PRIM2: variants seen among roughly 807,000 people sequenced by gnomAD.
The protein encoded by PRIM2 is DNA primase large subunit.
In PRIM2, 39 loss-of-function variants were observed where a neutral mutation model predicts 67.3. The observed-to-expected ratio is 0.58, with a 90% confidence interval of 0.45 to 0.76. The LOEUF (loss-of-function observed/expected upper bound fraction) is 0.76, where lower values mean the gene tolerates loss of function less well. Ranked by LOEUF, PRIM2 falls within the 30% of genes least tolerant of loss-of-function variation. The probability of loss-of-function intolerance (pLI) is 0.00; values close to 1 mark genes in which losing one functional copy is unlikely to be tolerated. For missense variants in PRIM2, 398 were observed against 598.7 expected (o/e 0.66, Z 3.50); for synonymous variants, 143 against 198.7 (o/e 0.72, Z 2.36).
intron 8 of PRIM2, among the ~76,000 whole-genome samples, chr6:57,521,367 GTTTTTTTTTTTTT>G (rs1163114437): frequency 2.0e-5 from 2 of 97,956 alleles, no homozygotes; most frequent in African/African-American, 7.6e-5. Context: ...TGTGGTTAGG[GTTTTTTTTTTTTT>G]TTTTTTTTTT....
chr6:57,351,514 G>C (rs1452654414), intron 5 of PRIM2, among the ~76,000 whole-genome samples: 3 of 152,126 alleles, frequency 2.0e-5, no homozygotes, highest in Non-Finnish European at 4.4e-5. Context: ...GGAAAGAAGT[G>C]GGCAGATGTG....
chr6:57,342,255 C>T lies in PRIM2; in HGVS notation c.459+16210C>T, dbSNP rs572554020. ...AAAAAGGAAACTGATATTTTTCATT[C>T]TTTGACCTATATGTAAATAAATTGG... On this transcript the variant is annotated intron_variant, in intron 5 of 13. Coordinates refer to ENST00000615550, the MANE Select transcript of PRIM2 (RefSeq NM_000947.5). Among the ~76,000 whole-genome samples, 62 of 152,298 alleles carry T rather than the reference C, an allele frequency of 4.1e-4. 1 individual carries two copies. The South Asian group carries it at 0.012, about 28-fold the overall frequency.
chr6:57,349,797 A>C (rs1307342053), intron 5 of PRIM2, among the ~76,000 whole-genome samples: 1 of 152,194 alleles, frequency 6.6e-6, no homozygotes, highest in Non-Finnish European at 1.5e-5. Context: ...TTTTTAAAAA[A>C]AGATATTGTT....
chr6:57,638,013 A>G (rs1777155218), intron 13 of PRIM2, among the ~76,000 whole-genome samples: 1 of 152,214 alleles, frequency 6.6e-6, no homozygotes, highest in African/African-American at 2.4e-5. Flanking sequence ...AGGTCAGGTT[A>G]CCCACAAAGG....
At chr6:57,246,916 G>A in the PRIM2 span, among the ~76,000 whole-genome samples, 10 of 150,888 alleles carry the variant, frequency 6.6e-5, no homozygotes, top group African/African-American at 1.2e-4. Context: ...GTGCGGTGGC[G>A]CGATCTCAGC....
intron 7 of PRIM2, among the ~76,000 whole-genome samples, chr6:57,433,371 T>C (rs1275945895): frequency 6.6e-6 from 1 of 151,344 alleles, no homozygotes; most frequent in Non-Finnish European, 1.5e-5. Context: ...GTATATCTCC[T>C]AATGCTATCC....
chr6:57,466,624 G>C (rs1417798835), intron 7 of PRIM2, among the ~76,000 whole-genome samples: 1 of 152,312 alleles, frequency 6.6e-6, no homozygotes, highest in East Asian at 1.9e-4. Flanking sequence ...GCCTTCTTTT[G>C]AGAAGTGTCT....
At chr6:57,592,069 C>A (rs2127488742) in intron 10 of PRIM2, among the ~76,000 whole-genome samples, 1 of 152,164 alleles carries the variant, frequency 6.6e-6, no homozygotes, top group South Asian at 2.1e-4. Context: ...AACACAGGAA[C>A]AGAAAATCAA....
At chr6:57,254,355 C>T in the PRIM2 span, among the ~76,000 whole-genome samples, 1 of 152,200 alleles carries the variant, frequency 6.6e-6, no homozygotes, top group African/African-American at 2.4e-5. Flanking sequence ...CTTTGCTACT[C>T]CAACTTCTCT....
chr6:57,466,691 A>C (rs201705382), intron 7 of PRIM2, among the ~76,000 whole-genome samples: 3 of 152,046 alleles, frequency 2.0e-5, no homozygotes, highest in Non-Finnish European at 4.4e-5. Context: ...AAATTTGTTT[A>C]AGTTCTTTGT....
intron 7 of PRIM2, chr6:57,505,168 A>G (rs1310982237): frequency 6.6e-6 from 1 of 152,208 alleles, no homozygotes; most frequent in Non-Finnish European, 1.5e-5. Context: ...CATATCCTTA[A>G]CATGAAGAGA....
the PRIM2 span, among the ~76,000 whole-genome samples, chr6:57,285,862 C>T: frequency 1.5e-3 from 234 of 152,260 alleles, 1 homozygote; most frequent in African/African-American, 5.4e-3. Flanking sequence ...AAAACCCCAT[C>T]GTCTCAGCCC....
In PRIM2 at chr6:57,323,082, GT is replaced by G. The variant is rs11453364; in HGVS notation, c.259-1106del. On this transcript the variant is annotated intron_variant, in intron 3 of 13. Transcript: ENST00000615550. ...ATTATAGTAGTGCCTCCCTCATAGGGTTTTTTTTTTTTTAAAGGATTAAATG... is the reference window on the plus strand; with the variant it reads ...ATTATAGTAGTGCCTCCCTCATAGGGTTTTTTTTTTTTAAAGGATTAAATG... 1.0e-3 allele frequency among the ~76,000 whole-genome samples: 145 copies of G among 145,556 alleles called. 1 individual carries two copies. Among genetic ancestry groups the G allele is most frequent in the South Asian group, 2.0e-3 (9 of 4,588 alleles).
At chr6:57,568,318 G>A (rs1317568399) in intron 10 of PRIM2, among the ~76,000 whole-genome samples, 2 of 152,108 alleles carry the variant, frequency 1.3e-5, no homozygotes, top group Non-Finnish European at 2.9e-5. Context: ...TTGTTTTACT[G>A]TAAAGATCCT....
At chr6:57,448,782 G>T (rs535843754) in intron 7 of PRIM2, among the ~76,000 whole-genome samples, 49 of 151,838 alleles carry the variant, frequency 3.2e-4, no homozygotes, top group African/African-American at 1.2e-3. Context: ...ATGACTTATA[G>T]GGGTGCATAA....
intron 5 of PRIM2, among the ~76,000 whole-genome samples, chr6:57,376,958 C>A (rs1343751538): frequency 6.6e-6 from 1 of 152,130 alleles, no homozygotes. Context: ...CTCACCGCAA[C>A]CTCCACCTTC....
At chr6:57,317,144 T>C (rs576342917), upstream of PRIM2, among the ~76,000 whole-genome samples, 2 of 152,262 alleles carry the variant, frequency 1.3e-5, no homozygotes, top group South Asian at 4.2e-4. Context: ...TAGGACCTTA[T>C]AGGTCGCTGA....
intron 5 of PRIM2, among the ~76,000 whole-genome samples, chr6:57,348,128 T>G (rs1348984460): frequency 6.6e-6 from 1 of 152,094 alleles, no homozygotes; most frequent in African/African-American, 2.4e-5. Context: ...TATTGCCATC[T>G]CTAGGGAAAA....
At chr6:57,247,330 G>A in the PRIM2 span, among the ~76,000 whole-genome samples, 73,512 of 152,006 alleles carry the variant, frequency 0.48, 18,245 homozygotes, top group East Asian at 0.79. Context: ...GATAGATTGT[G>A]ATGAGTTTTA....
Sources: allele counts gnomAD v4.1 joint callset (sites outside exome capture counted in the v4.1 genomes callset), GRCh38; gene constraint gnomAD v4.1.1; transcripts MANE v1.5; gene names NCBI Gene and HGNC (gene_info 2026-07-23, HGNC 2026-07-21).